SEMA3A: variants seen among roughly 807,000 people sequenced by gnomAD.
SEMA3A encodes semaphorin 3A, also known as semaphorin-3A.
In SEMA3A, 29 loss-of-function variants were observed where a neutral mutation model predicts 97.9. The ratio of observed to expected loss-of-function variants is 0.30; its 90% confidence interval spans 0.22 to 0.40. SEMA3A has a LOEUF of 0.40. Ranked by LOEUF, SEMA3A falls within the 10% of genes least tolerant of loss-of-function variation. SEMA3A has a pLI of 1.00. For synonymous variants in SEMA3A, 321 were observed against 323.7 expected (o/e 0.99, Z 0.09); for missense variants, 763 against 951.3 (o/e 0.80, Z 2.60).
At chr7:83,999,553 G>C (rs1790355818) in intron 12 of SEMA3A, among the ~76,000 whole-genome samples, 1 of 152,072 alleles carries the variant, frequency 6.6e-6, no homozygotes, top group African/African-American at 2.4e-5. Flanking sequence ...TAACACATCA[G>C]AGTCTTTGAG....
chr7:84,332,116 C>T (rs139820841), intron 2 of SEMA3A, among the ~76,000 whole-genome samples: 1 of 151,968 alleles, frequency 6.6e-6, no homozygotes, highest in Non-Finnish European at 1.5e-5. Flanking sequence ...CCATATATAC[C>T]CTTCAGAGAG....
At chr7:84,491,801 G>A (rs1806741403) in intron 1 of SEMA3A, among the ~76,000 whole-genome samples, 1 of 152,112 alleles carries the variant, frequency 6.6e-6, no homozygotes, top group Admixed American at 6.6e-5. Flanking sequence ...AGACTAAAAA[G>A]TCAAAGTTGA....
intron 3 of SEMA3A, among the ~76,000 whole-genome samples, chr7:84,300,877 T>C (rs754816879): frequency 1.3e-5 from 2 of 152,102 alleles, no homozygotes; most frequent in African/African-American, 2.4e-5. Flanking sequence ...AACTGAAAAG[T>C]ACACAATGTG....
chr7:84,420,985 C>A (rs946745001), intron 1 of SEMA3A, among the ~76,000 whole-genome samples: 3 of 151,886 alleles, frequency 2.0e-5, no homozygotes, highest in Non-Finnish European at 2.9e-5. Context: ...GTGTCTCTAT[C>A]TCCTTCAGTT....
chr7:83,963,207 C>T lies in SEMA3A; in HGVS notation c.1858G>A (p.Glu620Lys), dbSNP rs140867543. Residue 620 changes from glutamate (E) to lysine (K), a missense_variant and splice_region_variant, in exon 16 of 17, where the codon GAG becomes AAG. Glu to Lys is a moderately conservative substitution (Grantham distance 56). Transcript: ENST00000265362. ...FQRRNEERKE[E>K]IRVDDHIIRT... Reference sequence around the variant, plus strand: ...TCCAGTCAGTTTCATTCCTGTACCTCTTCTTTTCGCTCTTCATTTCGCCTC... The same window carrying T: ...TCCAGTCAGTTTCATTCCTGTACCTTTTCTTTTCGCTCTTCATTTCGCCTC... The T allele has an allele frequency of 3.4e-5, 55 of 1,612,816 alleles. No homozygotes were observed. The highest frequency in any genetic ancestry group is 3.3e-4 in the Middle Eastern group (2 of 6,084).
chr7:84,372,349 A>G (rs1003427478), intron 1 of SEMA3A: 1 of 152,122 alleles, frequency 6.6e-6, no homozygotes, highest in Non-Finnish European at 1.5e-5. Context: ...TCAACTTAGC[A>G]TCTGGTTACA....
In SEMA3A at chr7:84,014,276, C is replaced by T. The variant is rs200588059; in HGVS notation, c.743G>A (p.Arg248His). The change falls in exon 7 of 17, where the codon CGT becomes CAT. Residue 248 changes from arginine to histidine, a missense_variant. Physicochemically the swap from Arg to His is conservative, Grantham distance 29 (BLOSUM62 0). This residue lies in a region of SEMA3A where 678 missense variants were observed against 881.3 expected (regional missense o/e 0.77). Transcript: ENST00000265362. ...PEDDKVYFFF[R>H]ENAIDGEHSG... ...GTGTTCTCCATCTATTGCATTTTCA[C>T]GGAAGAAAAAGTATACTTTGTCATC... is the stretch of plus-strand genomic sequence containing the variant. The T allele has an allele frequency of 1.5e-4, 241 of 1,612,740 alleles. No homozygotes were observed. The highest frequency in any genetic ancestry group is 1.9e-4 in the Non-Finnish European group (226 of 1,179,364).
intron 3 of SEMA3A, among the ~76,000 whole-genome samples, chr7:84,251,432 T>C (rs369660748): frequency 1.3e-5 from 2 of 152,152 alleles, no homozygotes; most frequent in Non-Finnish European, 2.9e-5. Flanking sequence ...CCAGTACACA[T>C]GGTCAGAAGA....
intron 1 of SEMA3A, among the ~76,000 whole-genome samples, chr7:84,167,268 A>T (rs2116189945): frequency 6.6e-6 from 1 of 152,302 alleles, no homozygotes; most frequent in South Asian, 2.1e-4. Context: ...GCTCGAAGTC[A>T]TACAAATTCT....
At chr7:84,472,590 ATGTT>A (rs1368330959) in intron 1 of SEMA3A, among the ~76,000 whole-genome samples, 1 of 152,152 alleles carries the variant, frequency 6.6e-6, no homozygotes, top group Non-Finnish European at 1.5e-5. Context: ...ACAATGTTCA[ATGTT>A]TGTCAAATTT....
At chr7:84,465,875 C>T (rs951557808) in intron 1 of SEMA3A, among the ~76,000 whole-genome samples, 2 of 152,086 alleles carry the variant, frequency 1.3e-5, no homozygotes. Context: ...CTAATTTCCT[C>T]CTCTTCCCCA....
At chr7:84,431,792 C>G (rs929777858) in intron 1 of SEMA3A, among the ~76,000 whole-genome samples, 4 of 151,742 alleles carry the variant, frequency 2.6e-5, no homozygotes, top group Non-Finnish European at 5.9e-5. Context: ...TACAAAGATT[C>G]AAAGACTTAA....
chr7:84,125,192 T>C (rs1216987536), intron 3 of SEMA3A, among the ~76,000 whole-genome samples: 1 of 152,148 alleles, frequency 6.6e-6, no homozygotes, highest in East Asian at 1.9e-4. Context: ...AATTAACTGA[T>C]TTTTGAAAAC....
chr7:84,051,409 T>G (rs1243906085), intron 5 of SEMA3A, among the ~76,000 whole-genome samples: 1 of 152,232 alleles, frequency 6.6e-6, no homozygotes, highest in Non-Finnish European at 1.5e-5. Flanking sequence ...GTACTTCTCC[T>G]TAAAGAGGTC....
chr7:84,118,496 G>A (rs1583992129), intron 3 of SEMA3A, among the ~76,000 whole-genome samples: 1 of 152,316 alleles, frequency 6.6e-6, no homozygotes, highest in South Asian at 2.1e-4. Context: ...TCCCCAGGTT[G>A]TTCTGATCTG....
In SEMA3A at chr7:84,083,414, C is replaced by T. The variant is rs919696000; in HGVS notation, c.454-22856G>A. Among the ~76,000 whole-genome samples the T allele has an allele frequency of 2.7e-5, 4 of 146,084 alleles. No individual in the cohort carries two copies. The Admixed American group carries it at 2.7e-4, about 10-fold the overall frequency. Reference sequence around the variant, plus strand: ...AAATCAGGGTAATTGGGATATCTATCACCTTAGGCATTCATCATTTTTTTT... The same window carrying T: ...AAATCAGGGTAATTGGGATATCTATTACCTTAGGCATTCATCATTTTTTTT... On this transcript the variant is annotated intron_variant, in intron 4 of 16. Transcript: ENST00000265362.
chr7:84,427,814 GATAAA>G (rs1253562634), intron 1 of SEMA3A, among the ~76,000 whole-genome samples: 1 of 151,876 alleles, frequency 6.6e-6, no homozygotes, highest in Non-Finnish European at 1.5e-5. Flanking sequence ...ATAAACCACA[GATAAA>G]CTATCTTTGA....
At chr7:84,158,148 C>CTTTTTTTTTTT (rs1187182577) in intron 1 of SEMA3A, among the ~76,000 whole-genome samples, 3 of 82,290 alleles carry the variant, frequency 3.6e-5, no homozygotes, top group African/African-American at 8.9e-5. Context: ...ACAGCTAATT[C>CTTTTTTTTTTT]TTTTTTTTTT....
chr7:84,154,777 A>G (rs1487661018), intron 1 of SEMA3A, among the ~76,000 whole-genome samples: 2 of 151,826 alleles, frequency 1.3e-5, no homozygotes. Context: ...ATTAATTCAT[A>G]TTGTCTAAAT....
Sources: gnomAD v4.1 joint callset for allele counts (sites outside exome capture counted in the v4.1 genomes callset) on GRCh38, gnomAD v4.1.1 for gene constraint, gnomAD v4.1.1 regional missense constraint, MANE v1.5 for transcripts, NCBI Gene and HGNC (gene_info 2026-07-23, HGNC 2026-07-21) for gene names.